Variants in DSCAM observed in about 807,000 individuals in gnomAD.
DSCAM encodes cell adhesion molecule DSCAM.
In DSCAM, 47 loss-of-function variants were observed where a neutral mutation model predicts 217.7. The observed-to-expected ratio is 0.22, with a 90% CI of 0.17 to 0.28. The LOEUF is 0.28. DSCAM is among the 10% of genes least tolerant of loss of function. DSCAM has a pLI of 1.00. For synonymous variants in DSCAM, 1,056 were observed against 1,015.3 expected, an observed-to-expected ratio of 1.04 and a Z score of -0.76; for missense variants, 2,080 against 2,618.3, an observed-to-expected ratio of 0.79 and a Z score of 4.49.
intron 11 of DSCAM, among the ~76,000 whole-genome samples, chr21:40,274,153 C>T (rs1328755184): frequency 6.6e-6 from 1 of 152,158 alleles, no homozygotes; most frequent in Non-Finnish European, 1.5e-5. Context: ...GGGCAGGGGC[C>T]ACCTCATCTC....
In DSCAM at chr21:40,060,611, G is replaced by A. The variant is rs533834548; in HGVS notation, c.4919+2258C>T. Among the ~76,000 whole-genome samples the A allele has an allele frequency of 3.8e-3, 580 of 152,254 alleles. 2 individuals are homozygous for A. Among genetic ancestry groups the A allele is most frequent in the Non-Finnish European group, 6.3e-3 (428 of 68,018 alleles). ...GGGCTGCGGTGGTGAGCAAACTCAC[G>A]CCATTCTAAAGGGCTACTGTGCCTA... On this transcript the variant is annotated intron_variant, in intron 28 of 32. Coordinates refer to ENST00000400454, the MANE Select transcript of DSCAM (RefSeq NM_001389.5).
intron 3 of DSCAM, among the ~76,000 whole-genome samples, chr21:40,520,632 C>T (rs962326117): frequency 3.3e-5 from 5 of 151,860 alleles, no homozygotes; most frequent in African/African-American, 4.8e-5. Context: ...CATGGTGAAA[C>T]CCCATCTCTA....
chr21:40,286,491 C>T (rs1285052001), intron 10 of DSCAM, among the ~76,000 whole-genome samples: 4 of 152,208 alleles, frequency 2.6e-5, no homozygotes, highest in Non-Finnish European at 5.9e-5. Context: ...GACCTGAAAA[C>T]TCAGTATCAT....
chr21:40,818,212 G>A (rs2091898605), intron 1 of DSCAM, among the ~76,000 whole-genome samples: 1 of 151,238 alleles, frequency 6.6e-6, no homozygotes, highest in Non-Finnish European at 1.5e-5. Flanking sequence ...CTGGATGGAG[G>A]CACCCCGCCC....
At chr21:40,279,210 G>A (rs1395114923) in intron 10 of DSCAM, among the ~76,000 whole-genome samples, 2 of 152,176 alleles carry the variant, frequency 1.3e-5, no homozygotes, top group East Asian at 1.9e-4. Context: ...TTTATAAAGT[G>A]AGACTAAAAG....
intron 11 of DSCAM, among the ~76,000 whole-genome samples, chr21:40,213,502 T>C (rs1346104243): frequency 6.6e-6 from 1 of 152,242 alleles, no homozygotes; most frequent in African/African-American, 2.4e-5. Context: ...ATTGCTTACC[T>C]ACATGTGACC....
chr21:40,356,388 G>GATATATATATAT (rs60717299), intron 4 of DSCAM, among the ~76,000 whole-genome samples: 61 of 147,366 alleles, frequency 4.1e-4, no homozygotes, highest in Middle Eastern at 3.6e-3. Context: ...GCTTGATAGT[G>GATATATATATAT]ATATATATAT....
In DSCAM at chr21:40,550,887, C is replaced by T. The variant is rs148679076; in HGVS notation, c.508+141923G>A. On this transcript the variant is annotated intron_variant, in intron 3 of 32. Transcript: ENST00000400454. ...AGGGCTGCTTACAGGCTTATTTGAG[C>T]TCAGTTTGAATAGTTGGATGCAAGT... is the stretch of plus-strand genomic sequence containing the variant. Among the ~76,000 whole-genome samples the T allele has an allele frequency of 3.6e-3, 544 of 152,264 alleles. 2 individuals are homozygous for T. The highest frequency in any genetic ancestry group is 4.7e-3 in the Non-Finnish European group (323 of 68,038).
At chr21:40,814,662 T>C (rs2091865892) in intron 1 of DSCAM, among the ~76,000 whole-genome samples, 1 of 152,100 alleles carries the variant, frequency 6.6e-6, no homozygotes, top group Admixed American at 6.6e-5. Flanking sequence ...GGGAAAAGGA[T>C]ATAATGGAAA....
intron 3 of DSCAM, among the ~76,000 whole-genome samples, chr21:40,614,148 CAGCCCCAGGCCTCAGTCATGAGGCCATG>C (rs1340245139): frequency 1.3e-5 from 2 of 152,220 alleles, no homozygotes; most frequent in Non-Finnish European, 2.9e-5. Flanking sequence ...CTGCTGAGTG[CAGCCCCAGGCCTCAGTCATGAGGCCATG>C]GAAGTCAGAT....
intron 1 of DSCAM, among the ~76,000 whole-genome samples, chr21:40,823,998 C>G (rs562822157): frequency 6.6e-6 from 1 of 152,124 alleles, no homozygotes; most frequent in African/African-American, 2.4e-5. Flanking sequence ...TAATTAAACA[C>G]ACAAGGCTAT....
chr21:40,734,721 C>T (rs1159662100), intron 1 of DSCAM, among the ~76,000 whole-genome samples: 1 of 152,220 alleles, frequency 6.6e-6, no homozygotes, highest in African/African-American at 2.4e-5. Context: ...CTCGTTCACA[C>T]TTGATTTCCA....
chr21:40,275,951 C>G, intron 11 of DSCAM, 146 bp downstream of exon 11: 1 of 808,436 alleles, frequency 1.2e-6, no homozygotes, highest in Non-Finnish European at 1.8e-6. Flanking sequence ...TCCAGAACAA[C>G]AAAACTTTAA....
chr21:40,381,939 T>C (rs1221711031), intron 3 of DSCAM, among the ~76,000 whole-genome samples: 3 of 152,216 alleles, frequency 2.0e-5, no homozygotes, highest in Admixed American at 6.5e-5. Context: ...TATGTGTGTG[T>C]TTGTATATTT....
In DSCAM at chr21:40,432,610, T is replaced by C. The variant is rs143252888; in HGVS notation, c.509-63365A>G. ...TCAACATCTTTGGTGAATGGGGCATTATTCAGCCTATCATATAGGACACAG... is the reference window on the plus strand; with the variant it reads ...TCAACATCTTTGGTGAATGGGGCATCATTCAGCCTATCATATAGGACACAG... On this transcript the variant is annotated intron_variant, in intron 3 of 32. Transcript: ENST00000400454. Among the ~76,000 whole-genome samples the C allele has an allele frequency of 2.5e-3, 385 of 152,334 alleles. 4 individuals carry two copies. The highest frequency in any genetic ancestry group is 0.017 in the South Asian group (81 of 4,830).
intron 3 of DSCAM, among the ~76,000 whole-genome samples, chr21:40,643,752 C>G (rs8127399): frequency 0.29 from 43,890 of 152,000 alleles, 6,800 homozygotes; most frequent in Admixed American, 0.33. Context: ...TGGCCACACA[C>G]AGAGATACCA....
chr21:40,043,953 G>T, intron 31 of DSCAM, 125 bp downstream of exon 31: 2 of 952,962 alleles, frequency 2.1e-6, no homozygotes, highest in Non-Finnish European at 1.6e-6. Context: ...ATTTGAAAGT[G>T]ACCTTCAAAA....
chr21:40,802,487 G>A (rs1216570543), intron 1 of DSCAM, among the ~76,000 whole-genome samples: 1 of 152,090 alleles, frequency 6.6e-6, no homozygotes, highest in African/African-American at 2.4e-5. Context: ...GGGGCCAGGG[G>A]CAAAAGCCTA....
chr21:40,670,353 T>C (rs1389182119), intron 3 of DSCAM, among the ~76,000 whole-genome samples: 4 of 144,190 alleles, frequency 2.8e-5, no homozygotes, highest in Non-Finnish European at 4.5e-5. Context: ...CTGGCCAACA[T>C]GGTGAAGCCT....
Sources: gnomAD v4.1 joint callset for allele counts (sites outside exome capture counted in the v4.1 genomes callset) on GRCh38, gnomAD v4.1.1 for gene constraint, MANE v1.5 for transcripts, NCBI Gene and HGNC (gene_info 2026-07-23, HGNC 2026-07-21) for gene names.